The following CDH13 variants were observed in gnomAD, a reference collection of about 807,000 sequenced individuals.
CDH13 encodes cadherin 13, also known as cadherin-13.
CDH13 carries 24 observed loss-of-function variants against 63.8 expected under a neutral mutation model. The observed-to-expected ratio is 0.38, with a 90% CI of 0.27 to 0.53. The LOEUF (loss-of-function observed/expected upper bound fraction) is 0.53, where lower values mean the gene tolerates loss of function less well. Ranked by LOEUF, CDH13 falls within the 20% of genes least tolerant of loss-of-function variation. The pLI is 0.85. For missense variants in CDH13, 1,049 were observed against 903.1 expected (o/e 1.16, Z -2.07); for synonymous variants, 503 against 355.3 (o/e 1.42, Z -4.67).
chr16:83,566,121 G>C (rs138154036), intron 7 of CDH13, among the ~76,000 whole-genome samples: 14 of 152,266 alleles, frequency 9.2e-5, no homozygotes, highest in African/African-American at 3.1e-4. Context: ...TGAATGGTAT[G>C]TTGGGCTCTA....
chr16:83,317,459 G>T (rs1052014286), intron 5 of CDH13, among the ~76,000 whole-genome samples: 1 of 152,096 alleles, frequency 6.6e-6, no homozygotes, highest in African/African-American at 2.4e-5. Flanking sequence ...AAGTCTTTCT[G>T]GTTGGGCTTT....
At chr16:83,325,885 A>T (rs867955257) in intron 5 of CDH13, among the ~76,000 whole-genome samples, 4 of 152,234 alleles carry the variant, frequency 2.6e-5, no homozygotes, top group Non-Finnish European at 4.4e-5. Context: ...TTAATTGAAT[A>T]TGGACTCACT....
intron 5 of CDH13, among the ~76,000 whole-genome samples, chr16:83,217,841 C>G (rs1247908412): frequency 6.6e-6 from 1 of 152,136 alleles, no homozygotes; most frequent in Non-Finnish European, 1.5e-5. Flanking sequence ...GGTATAAACC[C>G]CAAGACCTGA....
chr16:83,011,750 A>G (rs1438433743), intron 2 of CDH13, among the ~76,000 whole-genome samples: 1 of 151,954 alleles, frequency 6.6e-6, no homozygotes, highest in African/African-American at 2.4e-5. Flanking sequence ...TCATTTTCCA[A>G]TGCTCTTCAG....
At chr16:83,597,054 C>G (rs1008171066) in intron 7 of CDH13, among the ~76,000 whole-genome samples, 3 of 152,160 alleles carry the variant, frequency 2.0e-5, no homozygotes, top group South Asian at 2.1e-4. Flanking sequence ...GAGACCCTGT[C>G]TCTACAAAAA....
At chr16:82,639,409 A>G (rs1271562368) in intron 1 of CDH13, 11 of 1,535,608 alleles carry the variant, frequency 7.2e-6, no homozygotes, top group Middle Eastern at 1.7e-4. Flanking sequence ...AGAACATCCC[A>G]GTGAGAATGG....
intron 8 of CDH13, among the ~76,000 whole-genome samples, chr16:83,624,057 G>T (rs1305670079): frequency 6.6e-6 from 1 of 152,168 alleles, no homozygotes; most frequent in African/African-American, 2.4e-5. Flanking sequence ...AGGTGCAGCT[G>T]CGTCTAAGCC....
rs57810667 is a variant in CDH13 at position 83,310,864 on chromosome 16, A to C, written c.637-33998A>C. On this transcript the variant is annotated intron_variant, in intron 5 of 13. Transcript: ENST00000567109. ...CTAGAGAAAGGAACCCTCCTAACAA[A>C]CCCAACTGAGCCAGTTTGGAGGCTG... Among the ~76,000 whole-genome samples, 1,458 of 152,180 alleles carry C rather than the reference A, an allele frequency of 9.6e-3. 20 individuals carry two copies. Among genetic ancestry groups the C allele is most frequent in the African/African-American group, 0.034 (1,401 of 41,520 alleles).
chr16:83,487,527 G>A (rs1018866445), intron 7 of CDH13, among the ~76,000 whole-genome samples: 2 of 151,964 alleles, frequency 1.3e-5, no homozygotes. Context: ...TGAGTTTGAG[G>A]TCCACCGTGT....
chr16:83,508,375 G>C (rs146394071), intron 7 of CDH13: 2 of 154,418 alleles, frequency 1.3e-5, no homozygotes, highest in Non-Finnish European at 2.9e-5. Flanking sequence ...CCGTGCATCC[G>C]CCCTTCGATG....
intron 2 of CDH13, among the ~76,000 whole-genome samples, chr16:83,031,247 G>A: frequency 6.9e-6 from 1 of 145,870 alleles, no homozygotes; most frequent in Non-Finnish European, 1.5e-5. Flanking sequence ...ATATACATGC[G>A]CATGTATACA....
At chr16:82,742,690 T>C (rs1210113860) in intron 1 of CDH13, among the ~76,000 whole-genome samples, 1 of 152,202 alleles carries the variant, frequency 6.6e-6, no homozygotes, top group Non-Finnish European at 1.5e-5. Context: ...AAAGTAGGAA[T>C]ATGATGTATA....
intron 2 of CDH13, among the ~76,000 whole-genome samples, chr16:82,996,944 GT>G (rs1912280170): frequency 8.6e-6 from 1 of 116,714 alleles, no homozygotes; most frequent in Non-Finnish European, 1.8e-5. Flanking sequence ...TTACGATGGT[GT>G]TGTTGATGAT....
intron 5 of CDH13, among the ~76,000 whole-genome samples, chr16:83,299,963 C>A (rs1397407111): frequency 1.3e-5 from 2 of 152,290 alleles, no homozygotes; most frequent in East Asian, 3.9e-4. Flanking sequence ...CCTGCAAGCT[C>A]ACTTGATTGT....
chr16:83,760,092 A>T (rs1913841366), intron 11 of CDH13, among the ~76,000 whole-genome samples: 1 of 152,338 alleles, frequency 6.6e-6, no homozygotes, highest in South Asian at 2.1e-4. Flanking sequence ...TTAAATAAAG[A>T]TATATACATT....
chr16:82,791,381 C>T (rs996874715), intron 1 of CDH13, among the ~76,000 whole-genome samples: 9 of 152,116 alleles, frequency 5.9e-5, no homozygotes, highest in Non-Finnish European at 1.2e-4. Context: ...TAGGCTAAAG[C>T]AGGAGGTAAA....
At chr16:83,082,105 A>G (rs2033294793) in intron 3 of CDH13, among the ~76,000 whole-genome samples, 1 of 152,122 alleles carries the variant, frequency 6.6e-6, no homozygotes, top group Non-Finnish European at 1.5e-5. Flanking sequence ...CGGCCACCTA[A>G]TTACTTCTTA....
At chr16:83,167,890 G>T (rs1016226853) in intron 4 of CDH13, among the ~76,000 whole-genome samples, 1 of 151,942 alleles carries the variant, frequency 6.6e-6, no homozygotes, top group South Asian at 2.1e-4. Flanking sequence ...AAAATCACAA[G>T]CTTTGCAGCA....
At chr16:83,756,692 G>A (rs1025872342) in intron 11 of CDH13, among the ~76,000 whole-genome samples, 1 of 152,106 alleles carries the variant, frequency 6.6e-6, no homozygotes, top group Non-Finnish European at 1.5e-5. Context: ...CATGACAAGA[G>A]GTAAAGAGGC....
Sources: allele counts gnomAD v4.1 joint callset (sites outside exome capture counted in the v4.1 genomes callset), GRCh38; gene constraint gnomAD v4.1.1; transcripts MANE v1.5; gene names NCBI Gene and HGNC (gene_info 2026-07-23, HGNC 2026-07-21).